FGF12: variants seen among roughly 807,000 people sequenced by gnomAD.
FGF12 encodes fibroblast growth factor 12.
In FGF12, 14 loss-of-function variants were observed where a neutral mutation model predicts 23.6. The observed-to-expected ratio is 0.59, with a 90% confidence interval of 0.39 to 0.93. FGF12 has a LOEUF of 0.93. Among genes scored for constraint, FGF12 ranks in the 40% least tolerant of loss-of-function variants. The pLI is 0.00. For missense variants in FGF12, 175 were observed against 217.8 expected (o/e 0.80, Z 1.24); for synonymous variants, 62 against 77.3 (o/e 0.80, Z 1.04).
At chr3:192,278,419 TGAG>T (rs1713932896) in intron 4 of FGF12, among the ~76,000 whole-genome samples, 1 of 152,128 alleles carries the variant, frequency 6.6e-6, no homozygotes, top group East Asian at 1.9e-4. Context: ...CCCATTGTAC[TGAG>T]AAGCACAGTA....
intron 4 of FGF12, among the ~76,000 whole-genome samples, chr3:192,319,020 A>G (rs954970619): frequency 3.3e-5 from 5 of 152,312 alleles, no homozygotes; most frequent in African/African-American, 1.2e-4. Context: ...AGAATTATCC[A>G]GGGAAAATTT....
chr3:192,312,217 A>G (rs963693133), intron 4 of FGF12, among the ~76,000 whole-genome samples: 3 of 152,126 alleles, frequency 2.0e-5, no homozygotes, highest in Non-Finnish European at 4.4e-5. Context: ...TAGATGTTAT[A>G]TCCATGAAAC....
Position 192,364,983 on chromosome 3 carries a change from A to G in FGF12, c.14-4445T>C, listed in dbSNP as rs993771061. Among the ~76,000 whole-genome samples the G allele has an allele frequency of 2.0e-5, 3 of 152,022 alleles. No homozygotes were observed. In the East Asian group the frequency reaches 5.8e-4, roughly 29 times the overall value. On this transcript the variant is annotated intron_variant, in intron 2 of 5. Coordinates refer to ENST00000445105, the MANE Select transcript of FGF12 (RefSeq NM_004113.6). ...GATTATGTGATGAGAATAGCACTTT[A>G]CCTCTGTGATCTTCCTCCAAAAAAC...
rs568512192 is a variant in FGF12 at position 192,170,207 on chromosome 3, C to T, written c.427+251G>A. 2.1e-5 allele frequency among the ~76,000 whole-genome samples: 3 copies of T among 142,928 alleles called. No individual in the cohort carries two copies. In the Admixed American group the frequency reaches 2.2e-4, roughly 10 times the overall value. The allele number at this position is 142,928 out of a possible 152,430, so 93.8% of individuals were successfully genotyped here. On this transcript the variant is annotated intron_variant, in intron 5 of 5. Coordinates refer to ENST00000445105, the MANE Select transcript of FGF12 (RefSeq NM_004113.6). ...CTGAGGCAGGAGAATTGCTCGAATC[C>T]GGGAGGAGGTTGCAGTGAGCCGAGA... is the stretch of plus-strand genomic sequence containing the variant.
chr3:192,569,945 T>A lies in FGF12; in HGVS notation c.13+157236A>T, dbSNP rs544366554. Among the ~76,000 whole-genome samples, 676 of 152,288 alleles carry A rather than the reference T, an allele frequency of 4.4e-3. 2 individuals carry two copies. The highest frequency in any genetic ancestry group is 0.01 in the Middle Eastern group (3 of 294). ...GGATGTGAGGATACTAGCGCTGCTA[T>A]GACAATTTTTGGAAGAGAAAAGATA... On this transcript the variant is annotated intron_variant, in intron 2 of 5. Coordinates refer to ENST00000445105, the MANE Select transcript of FGF12 (RefSeq NM_004113.6).
intron 2 of FGF12, among the ~76,000 whole-genome samples, chr3:192,421,931 G>A (rs1250132773): frequency 3.3e-5 from 5 of 152,072 alleles, no homozygotes; most frequent in African/African-American, 9.7e-5. Context: ...TGGTGGTGGT[G>A]GTGAAGGAAA....
intron 4 of FGF12, among the ~76,000 whole-genome samples, chr3:192,251,623 T>C (rs1477162902): frequency 6.6e-6 from 1 of 151,338 alleles, no homozygotes; most frequent in Admixed American, 6.6e-5. Context: ...AAAGAAATTG[T>C]ATTATATACA....
intron 4 of FGF12, among the ~76,000 whole-genome samples, chr3:192,239,984 G>T (rs984473947): frequency 6.6e-6 from 1 of 152,098 alleles, no homozygotes; most frequent in Admixed American, 6.5e-5. Flanking sequence ...GTGCAGGGGG[G>T]AAGATCCCAG....
At chr3:192,366,645 C>G (rs1205144941) in intron 2 of FGF12, among the ~76,000 whole-genome samples, 1 of 152,136 alleles carries the variant, frequency 6.6e-6, no homozygotes, top group East Asian at 1.9e-4. Context: ...ACTGTTCAGT[C>G]ACTTTAAAAG....
chr3:192,722,200 G>A (rs957069236), intron 2 of FGF12, among the ~76,000 whole-genome samples: 2 of 152,138 alleles, frequency 1.3e-5, no homozygotes, highest in Non-Finnish European at 2.9e-5. Flanking sequence ...ACCATGACAG[G>A]TGGAGTAAGA....
chr3:192,356,008 TGGCTGTCAGGGAC>T (rs1178214863), intron 3 of FGF12, among the ~76,000 whole-genome samples: 1 of 152,258 alleles, frequency 6.6e-6, no homozygotes, highest in Non-Finnish European at 1.5e-5. Context: ...AGCCACCTGC[TGGCTGTCAGGGAC>T]TGTTTTGCTA....
chr3:192,304,710 G>T (rs1169089466), intron 4 of FGF12, among the ~76,000 whole-genome samples: 1 of 152,096 alleles, frequency 6.6e-6, no homozygotes, highest in African/African-American at 2.4e-5. Context: ...TATTCTGCTG[G>T]ACCCAAATCA....
chr3:192,465,726 C>G (rs1416211892), intron 2 of FGF12, among the ~76,000 whole-genome samples: 1 of 152,200 alleles, frequency 6.6e-6, no homozygotes, highest in Non-Finnish European at 1.5e-5. Context: ...ACTCCCAAGT[C>G]AGGTAATTTC....
intron 2 of FGF12, among the ~76,000 whole-genome samples, chr3:192,447,878 T>C (rs532568795): frequency 6.6e-6 from 1 of 152,162 alleles, no homozygotes. Flanking sequence ...TCCCAAAGTC[T>C]CCTATATGTC....
At chr3:192,671,732 G>T (rs1323946089) in intron 2 of FGF12, among the ~76,000 whole-genome samples, 1 of 151,952 alleles carries the variant, frequency 6.6e-6, no homozygotes, top group South Asian at 2.1e-4. Context: ...TGAAGGCTGC[G>T]GTGAAGTGGA....
At chr3:192,614,038 A>G (rs531541130) in intron 2 of FGF12, among the ~76,000 whole-genome samples, 1 of 151,806 alleles carries the variant, frequency 6.6e-6, no homozygotes, top group Non-Finnish European at 1.5e-5. Context: ...GTCCTTCCCC[A>G]TTGCTTCCCA....
At chr3:192,663,101 G>A (rs1716731498) in intron 2 of FGF12, among the ~76,000 whole-genome samples, 2 of 152,222 alleles carry the variant, frequency 1.3e-5, no homozygotes, top group African/African-American at 4.8e-5. Context: ...ACACTAGCAT[G>A]ACTTGGAAAA....
chr3:192,454,751 T>A (rs778039055), intron 2 of FGF12, among the ~76,000 whole-genome samples: 2 of 152,128 alleles, frequency 1.3e-5, no homozygotes, highest in Non-Finnish European at 2.9e-5. Context: ...AAATTTAAAA[T>A]GATACTGATT....
At chr3:192,366,453 A>G (rs1718988531) in intron 2 of FGF12, among the ~76,000 whole-genome samples, 2 of 152,344 alleles carry the variant, frequency 1.3e-5, no homozygotes, top group South Asian at 4.1e-4. Flanking sequence ...ACTTTTGATA[A>G]CAATGGCTGT....
Sources: allele counts gnomAD v4.1 joint callset (sites outside exome capture counted in the v4.1 genomes callset), GRCh38; gene constraint gnomAD v4.1.1; transcripts MANE v1.5; gene names NCBI Gene and HGNC (gene_info 2026-07-23, HGNC 2026-07-21).